The following RUBCN variants were observed in gnomAD, a reference collection of about 807,000 sequenced individuals.
The protein encoded by RUBCN is rubicon autophagy regulator, also known as run domain Beclin-1-interacting and cysteine-rich domain-containing protein.
RUBCN carries 74 observed loss-of-function variants against 113.2 expected under a neutral mutation model. That is an observed-to-expected ratio of 0.65 (90% CI 0.54 to 0.79). The LOEUF (loss-of-function observed/expected upper bound fraction) is 0.79. Among genes scored for constraint, RUBCN ranks in the 30% least tolerant of loss-of-function variants. RUBCN has a pLI of 0.00. For synonymous variants in RUBCN, 480 were observed against 490.0 expected, an observed-to-expected ratio of 0.98 and a Z score of 0.27; for missense variants, 1,109 against 1,251.7, an observed-to-expected ratio of 0.89 and a Z score of 1.72.
At chr3:197,734,531 T>C (rs1321747045) in intron 1 of RUBCN, among the ~76,000 whole-genome samples, 2 of 152,132 alleles carry the variant, frequency 1.3e-5, no homozygotes, top group Non-Finnish European at 2.9e-5. Flanking sequence ...AGCTTTCTCA[T>C]CTGTGACACA....
chr3:197,678,929 C>T (rs577168883), intron 16 of RUBCN, among the ~76,000 whole-genome samples: 5 of 148,884 alleles, frequency 3.4e-5, no homozygotes, highest in East Asian at 2.1e-4. Context: ...GACTGTCCTA[C>T]GCTCTGACAA....
chr3:197,711,115 C>A (rs1007607369), intron 2 of RUBCN, among the ~76,000 whole-genome samples: 1 of 152,350 alleles, frequency 6.6e-6, no homozygotes, highest in South Asian at 2.1e-4. Flanking sequence ...TGAGCCACCA[C>A]GCCTGGCCTC....
intron 2 of RUBCN, among the ~76,000 whole-genome samples, chr3:197,709,554 A>G (rs1724716002): frequency 6.6e-6 from 1 of 151,892 alleles, no homozygotes; most frequent in African/African-American, 2.4e-5. Flanking sequence ...CTAGTTTTGT[A>G]TTTTTAGTAG....
upstream of RUBCN, chr3:197,749,793 G>A (rs1728931508): frequency 8.2e-6 from 4 of 486,608 alleles, no homozygotes; most frequent in East Asian, 4.1e-5. Context: ...GCGCGGGGCC[G>A]CTCTGGTCGC....
At position 197,669,467 on chromosome 3, in the gene RUBCN, G is replaced by C. The variant is rs1007546635; in HGVS notation, c.*5551C>G. 6.6e-6 allele frequency among the ~76,000 whole-genome samples: 1 copy of C among 152,148 alleles called. No homozygotes were observed. Among genetic ancestry groups the C allele is most frequent in the Non-Finnish European group, 1.5e-5 (1 of 68,018 alleles). ...TGCTCCTGTGTTTATGTTGTTTGTT[G>C]TTTTTCTCATGATTAGACTGAGGTT... On this transcript the variant is annotated 3_prime_UTR_variant, in exon 20 of 20. Transcript: ENST00000296343.
chr3:197,712,664 C>G (rs1013427905), intron 2 of RUBCN, among the ~76,000 whole-genome samples: 2 of 152,130 alleles, frequency 1.3e-5, no homozygotes, highest in Non-Finnish European at 2.9e-5. Flanking sequence ...GTCCATATGA[C>G]AAATCTGCCT....
At chr3:197,745,276 T>A (rs13091775) in intron 1 of RUBCN, among the ~76,000 whole-genome samples, 2 of 143,292 alleles carry the variant, frequency 1.4e-5, no homozygotes, top group African/African-American at 2.6e-5. Context: ...CAGAGAGAGA[T>A]GCTGTCTCAA....
At chr3:197,676,474 C>T (rs975485903) in intron 18 of RUBCN, 23 of 618,154 alleles carry the variant, frequency 3.7e-5, no homozygotes, top group Middle Eastern at 7.2e-4. Flanking sequence ...CCATCATGCC[C>T]GGCTAATTTC....
chr3:197,729,229 C>A (rs555150744), intron 1 of RUBCN, among the ~76,000 whole-genome samples: 86 of 149,988 alleles, frequency 5.7e-4, no homozygotes, highest in African/African-American at 2.1e-3. Flanking sequence ...AACCACTGAA[C>A]ATTGCTTTTG....
chr3:197,697,024 C>A lies in RUBCN; in HGVS notation c.1287G>T (p.Leu429Phe), dbSNP rs1437087778. Residue 429 changes from leucine (L) to phenylalanine (F), a missense_variant, in exon 8 of 20, where the codon TTG (leucine) becomes TTT (phenylalanine). Physicochemically the swap from Leu to Phe is conservative, Grantham distance 22. Transcript: ENST00000296343. Reference sequence around the variant, plus strand: ...GACCAGAGTAGGGCAAAGGGCCTCTCAACTTCGCCTTATCATTGCAGGATT... The same window carrying A: ...GACCAGAGTAGGGCAAAGGGCCTCTAAACTTCGCCTTATCATTGCAGGATT... ...APESCNDKAK[L>F]RGPLPYSGQS... is the part of the protein sequence containing the mutation. 2 of 1,603,150 alleles carry A rather than the reference C, an allele frequency of 1.2e-6. No individual in the cohort carries two copies. Among genetic ancestry groups the A allele is most frequent in the Non-Finnish European group, 1.7e-6 (2 of 1,170,148 alleles).
At chr3:197,693,504 A>T (rs1410314033) in intron 11 of RUBCN, among the ~76,000 whole-genome samples, 1 of 152,214 alleles carries the variant, frequency 6.6e-6, no homozygotes, top group Non-Finnish European at 1.5e-5. Context: ...ATCAACGAGC[A>T]GCCACTCCAT....
At chr3:197,713,183 T>G (rs1014855972) in intron 2 of RUBCN, among the ~76,000 whole-genome samples, 2 of 152,244 alleles carry the variant, frequency 1.3e-5, no homozygotes, top group African/African-American at 4.8e-5. Context: ...TTAATAACTA[T>G]AACAAGATAT....
At position 197,721,235 on chromosome 3, in the gene RUBCN, C is replaced by T. The variant is rs1406846871; in HGVS notation, c.66-3105G>A. 6.6e-5 allele frequency among the ~76,000 whole-genome samples: 10 copies of T among 152,130 alleles called. No homozygotes were observed. In the East Asian group the frequency reaches 1.5e-3, roughly 23 times the overall value. On this transcript the variant is annotated intron_variant, in intron 1 of 19. Coordinates refer to ENST00000296343, the MANE Select transcript of RUBCN (RefSeq NM_014687.4). ...TGGTAGAATTCGGCAGTGACAACAT[C>T]GGGCCCTGGGCTTCTCTTTGATAGG...
At position 197,683,874 on chromosome 3, in the gene RUBCN, A is replaced by C. The variant is rs11926037; in HGVS notation, c.1847+283T>G. On this transcript the variant is annotated intron_variant, in intron 12 of 19. Coordinates refer to ENST00000296343, the MANE Select transcript of RUBCN (RefSeq NM_014687.4). The surrounding 1 kb of genome is among the most constrained non-coding windows in gnomAD (Gnocchi z 4.6). ...GATTTCATAACCAAAAACCATCATCACTGCTCTCTTTTGAGACCTTCTGGG... is the reference window on the plus strand; with the variant it reads ...GATTTCATAACCAAAAACCATCATCCCTGCTCTCTTTTGAGACCTTCTGGG... 1.1e-4 allele frequency among the ~76,000 whole-genome samples: 17 copies of C among 152,108 alleles called. No individual in the cohort carries two copies. Among genetic ancestry groups the C allele is most frequent in the Non-Finnish European group, 2.4e-4 (16 of 68,022 alleles).
In RUBCN at chr3:197,695,917, G is replaced by A. The variant is rs1360849033; in HGVS notation, c.1422C>T (p.Leu474=). Residue 474 remains leucine (L), a synonymous_variant, in exon 9 of 20, where the codon CTC becomes CTT. Transcript: ENST00000296343. ...AGTCTTGCTCAGAGAGGTAGCTGATGAGGGACTGTCCTTCTGATGGTCTTC... is the reference window on the plus strand; with the variant it reads ...AGTCTTGCTCAGAGAGGTAGCTGATAAGGGACTGTCCTTCTGATGGTCTTC... The part of the protein sequence containing the change: ...MFRRPSEGQS[L]ISYLSEQDFG... The A allele has an allele frequency of 6.2e-7, 1 of 1,614,222 alleles. No homozygotes were observed. The highest frequency in any genetic ancestry group is 1.1e-5 in the South Asian group (1 of 91,090).
intron 2 of RUBCN, among the ~76,000 whole-genome samples, chr3:197,707,125 C>A (rs1417183802): frequency 7.0e-6 from 1 of 142,908 alleles, no homozygotes; most frequent in African/African-American, 3.0e-5. Context: ...AGGCAGATCA[C>A]GAGGTCAGGA....
rs571794576 is a variant in RUBCN, at chr3:197,704,687, G to A, written c.318C>T (p.His106=). Residue 106 remains histidine (H), a synonymous_variant, in exon 4 of 20, where the codon CAC becomes CAT. Coordinates refer to ENST00000296343, the MANE Select transcript of RUBCN (RefSeq NM_014687.4). ...CATCAGCACTGCTCTGGTCGTTCTC[G>A]TGCACGCTGATGAACTGGGAAGCAA... ...ALHVEKFISV[H]ENDQSSADGA... is the part of the protein sequence containing the mutation. The A allele has an allele frequency of 1.3e-4, 217 of 1,613,930 alleles. 1 individual carries two copies. The highest frequency in any genetic ancestry group is 1.7e-4 in the Middle Eastern group (1 of 5,898).
intron 1 of RUBCN, among the ~76,000 whole-genome samples, chr3:197,719,578 T>C (rs1725923091): frequency 6.6e-6 from 1 of 152,070 alleles, no homozygotes; most frequent in Admixed American, 6.6e-5. Context: ...CAAAGAGCAT[T>C]GACATCTTAG....
chr3:197,744,306 C>T (rs1728650344), intron 1 of RUBCN, among the ~76,000 whole-genome samples: 1 of 152,090 alleles, frequency 6.6e-6, no homozygotes, highest in Admixed American at 6.5e-5. Context: ...GTAGGTTTAT[C>T]CCAAAAATGC....
Sources: gnomAD v4.1 joint callset for allele counts (sites outside exome capture counted in the v4.1 genomes callset) on GRCh38, gnomAD v4.1.1 for gene constraint, Gnocchi (gnomAD v3.1) non-coding constraint, MANE v1.5 for transcripts, NCBI Gene and HGNC (gene_info 2026-07-23, HGNC 2026-07-21) for gene names.